The following PPA2 variants were observed in gnomAD, a reference collection of about 807,000 sequenced individuals.
The protein encoded by PPA2 is inorganic pyrophosphatase 2, also known as inorganic pyrophosphatase 2, mitochondrial.
Under a neutral mutation model 49.5 loss-of-function variants are expected in PPA2, and 48 were observed. That is an observed-to-expected ratio of 0.97 (90% confidence interval 0.77 to 1.23). The LOEUF (loss-of-function observed/expected upper bound fraction) is 1.23, where lower values mean the gene tolerates loss of function less well. PPA2 is among the 50% of genes most tolerant of loss of function. The probability of loss-of-function intolerance (pLI) is 0.00; values close to 1 mark genes in which losing one functional copy is unlikely to be tolerated. For synonymous variants in PPA2, 131 were observed against 139.9 expected, an observed-to-expected ratio of 0.94 and a Z score of 0.45; for missense variants, 429 against 410.1, an observed-to-expected ratio of 1.05 and a Z score of -0.40.
chr4:105,473,890 T>C lies in PPA2; in HGVS notation c.157+4A>G, dbSNP rs1723647604. ...CGCTCGGCGAACCTCCGGGAGCTAC[T>C]TACTAAAGAAGAGGCGGTAATTCTG... On this transcript the variant is annotated splice_donor_region_variant and intron_variant, in intron 1 of 11. Transcript: ENST00000341695. 1.3e-6 allele frequency: 2 copies of C among 1,595,166 alleles called. No individual in the cohort carries two copies. Among genetic ancestry groups the C allele is most frequent in the Non-Finnish European group, 1.7e-6 (2 of 1,169,142 alleles).
Position 105,464,432 on chromosome 4 carries a change from A to T in PPA2, c.158-7687T>A, listed in dbSNP as rs1207291035. ...AGGGACTTGCCTTGTCTCAGATGAG[A>T]CTGTGGACTGCGGACTTCTGAGTTA... On this transcript the variant is annotated intron_variant, in intron 1 of 11. Coordinates refer to ENST00000341695, the MANE Select transcript of PPA2 (RefSeq NM_176869.3). Among the ~76,000 whole-genome samples, 5 of 152,254 alleles carry T rather than the reference A, an allele frequency of 3.3e-5. No homozygotes were observed. In the East Asian group the frequency reaches 9.6e-4, roughly 29 times the overall value.
chr4:105,384,265 A>C (rs960844630), intron 10 of PPA2, among the ~76,000 whole-genome samples: 2 of 152,202 alleles, frequency 1.3e-5, no homozygotes, highest in African/African-American at 2.4e-5. Context: ...CAGTATTCTC[A>C]GTGAAAAATT....
At chr4:105,409,694 G>A (rs1722661405) in intron 7 of PPA2, among the ~76,000 whole-genome samples, 1 of 152,240 alleles carries the variant, frequency 6.6e-6, no homozygotes, top group African/African-American at 2.4e-5. Flanking sequence ...AGCTTCCAGA[G>A]GAAGGATCAG....
chr4:105,454,256 AT>A (rs1722785334), intron 2 of PPA2, among the ~76,000 whole-genome samples: 1 of 151,914 alleles, frequency 6.6e-6, no homozygotes, highest in Non-Finnish European at 1.5e-5. Flanking sequence ...AAACAAAATC[AT>A]TTTTCCAAAT....
intron 7 of PPA2, among the ~76,000 whole-genome samples, chr4:105,413,204 T>C (rs1722842612): frequency 6.6e-6 from 1 of 152,092 alleles, no homozygotes; most frequent in South Asian, 2.1e-4. Flanking sequence ...CTGGAAACCA[T>C]CATTCTGAGC....
intron 7 of PPA2, among the ~76,000 whole-genome samples, chr4:105,419,961 T>G (rs532802587): frequency 6.6e-6 from 1 of 152,018 alleles, no homozygotes; most frequent in African/African-American, 2.4e-5. Flanking sequence ...CTTTCTTTTT[T>G]TTTTTCGTTT....
At chr4:105,404,487 G>A (rs1328089862) in intron 7 of PPA2, among the ~76,000 whole-genome samples, 1 of 152,002 alleles carries the variant, frequency 6.6e-6, no homozygotes, top group African/African-American at 2.4e-5. Flanking sequence ...TTTCTAACAA[G>A]AACTAAAGAA....
At chr4:105,381,055 G>A (rs1339029815) in intron 10 of PPA2, among the ~76,000 whole-genome samples, 1 of 152,014 alleles carries the variant, frequency 6.6e-6, no homozygotes, top group African/African-American at 2.4e-5. Context: ...AAAAACTCTT[G>A]GTATTAACAG....
chr4:105,472,069 G>GA (rs1200439114), intron 1 of PPA2, among the ~76,000 whole-genome samples: 2 of 152,202 alleles, frequency 1.3e-5, no homozygotes, highest in Non-Finnish European at 2.9e-5. Flanking sequence ...TGTCTTAACA[G>GA]AGACTGTTAG....
chr4:105,460,804 C>G (rs1723055974), intron 1 of PPA2, among the ~76,000 whole-genome samples: 1 of 149,718 alleles, frequency 6.7e-6, no homozygotes, highest in Non-Finnish European at 1.5e-5. Context: ...CCCCAAAGAT[C>G]CAATGCTCTT....
intron 9 of PPA2, among the ~76,000 whole-genome samples, chr4:105,394,737 T>C (rs965876081): frequency 1.2e-4 from 19 of 152,164 alleles, no homozygotes; most frequent in Non-Finnish European, 2.4e-4. Flanking sequence ...AAGCTATATA[T>C]ATACTAACCA....
At chr4:105,413,049 C>T (rs1722835597) in intron 7 of PPA2, among the ~76,000 whole-genome samples, 1 of 152,196 alleles carries the variant, frequency 6.6e-6, no homozygotes, top group Admixed American at 6.5e-5. Context: ...TTTATTGGTA[C>T]TATTCATAAT....
rs1479897468 is a variant in PPA2, at chr4:105,454,749, A to T, written c.223-1107T>A. On this transcript the variant is annotated intron_variant, in intron 2 of 11. Transcript: ENST00000341695. ...AACCACCATGCGTATCCATTTCCAT[A>T]TCTCCAGAATTCACTGGCATATCCT... is the stretch of plus-strand genomic sequence containing the variant. Among the ~76,000 whole-genome samples the T allele has an allele frequency of 3.3e-5, 5 of 152,282 alleles. No individual in the cohort carries two copies. The East Asian group carries it at 9.6e-4, about 29-fold the overall frequency.
At chr4:105,428,291 T>G (rs759949023) in intron 6 of PPA2, among the ~76,000 whole-genome samples, 3 of 152,068 alleles carry the variant, frequency 2.0e-5, no homozygotes, top group Non-Finnish European at 4.4e-5. Context: ...ACTTCATCAA[T>G]TAATGCGCAA....
chr4:105,415,443 C>G (rs990249373), intron 7 of PPA2, among the ~76,000 whole-genome samples: 2 of 152,236 alleles, frequency 1.3e-5, no homozygotes, highest in Admixed American at 1.3e-4. Flanking sequence ...GAGGGCACAC[C>G]TGGCTGCGTT....
chr4:105,406,114 C>CAAAAAAAAAAA (rs35468715), intron 7 of PPA2, among the ~76,000 whole-genome samples: 3 of 97,572 alleles, frequency 3.1e-5, no homozygotes, highest in African/African-American at 3.7e-5. Flanking sequence ...TATAAAACTT[C>CAAAAAAAAAAA]AAAAAAAAAA....
chr4:105,413,037 T>C (rs1045274896), intron 7 of PPA2, among the ~76,000 whole-genome samples: 5 of 152,226 alleles, frequency 3.3e-5, no homozygotes, highest in African/African-American at 9.7e-5. Context: ...TGCACACGTA[T>C]GTTTATTGGT....
chr4:105,453,750 G>C lies in PPA2; in HGVS notation c.223-108C>G, dbSNP rs1722762116. On this transcript the variant is annotated intron_variant, in intron 2 of 11. Coordinates refer to ENST00000341695, the MANE Select transcript of PPA2 (RefSeq NM_176869.3). Reference sequence around the variant, plus strand: ...TGTATAGACATTCTACACAAAGACTGTCCAGAAATCTGAGTCAACAGAGAA... The same window carrying C: ...TGTATAGACATTCTACACAAAGACTCTCCAGAAATCTGAGTCAACAGAGAA... 6.4e-6 allele frequency: 5 copies of C among 783,192 alleles called. No homozygotes were observed. The South Asian group carries it at 1.4e-4, about 22-fold the overall frequency. 48.5% of individuals were successfully genotyped at this position (783,192 alleles called of 1,614,324 possible).
intron 3 of PPA2, among the ~76,000 whole-genome samples, chr4:105,451,404 A>G (rs1285064674): frequency 6.6e-6 from 1 of 152,266 alleles, no homozygotes; most frequent in Non-Finnish European, 1.5e-5. Flanking sequence ...TGAGATAAAC[A>G]ACAAAGCTGA....
Sources: gnomAD v4.1 joint callset for allele counts (sites outside exome capture counted in the v4.1 genomes callset) on GRCh38, gnomAD v4.1.1 for gene constraint, MANE v1.5 for transcripts, NCBI Gene and HGNC (gene_info 2026-07-23, HGNC 2026-07-21) for gene names.